SNX29: variants seen among roughly 807,000 people sequenced by gnomAD.
SNX29 encodes the protein sorting nexin 29, also known as sorting nexin-29.
Under a neutral mutation model 102.1 loss-of-function variants are expected in SNX29, and 78 were observed. The observed-to-expected ratio is 0.76, with a 90% CI of 0.64 to 0.92. The LOEUF is 0.92. SNX29 is among the 40% of genes least tolerant of loss of function. The pLI is 0.00. For synonymous variants in SNX29, 580 were observed against 414.5 expected (o/e 1.40, Z -4.85); for missense variants, 1,280 against 1,061.7 (o/e 1.21, Z -2.86).
chr16:12,345,475 C>T (rs1329009731), intron 15 of SNX29, among the ~76,000 whole-genome samples: 1 of 152,206 alleles, frequency 6.6e-6, no homozygotes, highest in Admixed American at 6.5e-5. Context: ...AGCCGTGCTC[C>T]ACTCACCGAA....
chr16:12,476,419 T>TATATATAC (rs2087636726), intron 18 of SNX29, among the ~76,000 whole-genome samples: 3 of 41,202 alleles, frequency 7.3e-5, no homozygotes, highest in Non-Finnish European at 1.4e-4. Flanking sequence ...TATACATATA[T>TATATATAC]ATATATATAT....
At chr16:12,224,808 T>C (rs778050327) in intron 14 of SNX29, among the ~76,000 whole-genome samples, 4 of 151,974 alleles carry the variant, frequency 2.6e-5, no homozygotes, top group Non-Finnish European at 5.9e-5. Flanking sequence ...CTTTTGCATG[T>C]GTTTACAGTA....
chr16:12,052,768 C>T (rs2050360346), intron 8 of SNX29: 1 of 163,498 alleles, frequency 6.1e-6, no homozygotes, highest in South Asian at 1.6e-4. Context: ...TTGCTTTATA[C>T]ATACATCTGT....
chr16:12,007,135 C>T (rs1366839414), intron 3 of SNX29, among the ~76,000 whole-genome samples: 1 of 152,168 alleles, frequency 6.6e-6, no homozygotes, highest in African/African-American at 2.4e-5. Context: ...CTGGTCTTAC[C>T]TTTGAAATGT....
At chr16:12,202,093 G>T (rs565928114) in intron 14 of SNX29, among the ~76,000 whole-genome samples, 2 of 152,128 alleles carry the variant, frequency 1.3e-5, no homozygotes, top group Non-Finnish European at 2.9e-5. Flanking sequence ...ACGTACGTAC[G>T]GCGACTCCAC....
intron 4 of SNX29, among the ~76,000 whole-genome samples, chr16:12,034,618 T>C (rs1448652813): frequency 5.3e-5 from 8 of 152,104 alleles, no homozygotes; most frequent in Non-Finnish European, 7.4e-5. Context: ...CCAGTGGCTA[T>C]TTACTAAGGG....
chr16:12,422,386 T>C lies in SNX29; in HGVS notation c.2037+18857T>C, dbSNP rs143308271. 7.2e-3 allele frequency among the ~76,000 whole-genome samples: 1,103 copies of C among 152,334 alleles called. 14 individuals are homozygous for C. The highest frequency in any genetic ancestry group is 0.025 in the African/African-American group (1,051 of 41,570). On this transcript the variant is annotated intron_variant, in intron 18 of 20. Coordinates refer to ENST00000566228, the MANE Select transcript of SNX29 (RefSeq NM_032167.5). ...ACAGCCCTTGTGTATCTGTTTCCCC[T>C]GGTGTTTTTAATTAATGCAAAATTA...
chr16:12,066,558 A>G (rs11648902), intron 9 of SNX29, among the ~76,000 whole-genome samples: 53,956 of 151,968 alleles, frequency 0.36, 9,746 homozygotes, highest in African/African-American at 0.42. Flanking sequence ...GGGCTTGAGC[A>G]CTGTCGTCTT....
At chr16:12,552,937 A>G (rs560313193) in intron 20 of SNX29, among the ~76,000 whole-genome samples, 3 of 152,204 alleles carry the variant, frequency 2.0e-5, no homozygotes, top group South Asian at 2.1e-4. Flanking sequence ...CTGGCCTTAT[A>G]TGCCACGTCA....
intron 3 of SNX29, among the ~76,000 whole-genome samples, chr16:12,026,910 C>T (rs1246255316): frequency 6.6e-6 from 1 of 152,148 alleles, no homozygotes; most frequent in African/African-American, 2.4e-5. Flanking sequence ...AATCTTGTTC[C>T]TTAAACTACA....
intron 1 of SNX29, 160 bp downstream of exon 1, chr16:11,976,973 G>A: frequency 3.1e-6 from 3 of 964,250 alleles, no homozygotes; most frequent in Non-Finnish European, 4.0e-6. Flanking sequence ...CTCCCGGCTC[G>A]TGGCCCCTGC....
chr16:12,179,048 A>G (rs74826373), intron 13 of SNX29, among the ~76,000 whole-genome samples: 6,562 of 152,284 alleles, frequency 0.043, 491 homozygotes, highest in African/African-American at 0.15. Flanking sequence ...TGAATGGGAA[A>G]TTTCAGTGTG....
chr16:12,057,409 A>G (rs953679579), intron 8 of SNX29, among the ~76,000 whole-genome samples: 1 of 152,162 alleles, frequency 6.6e-6, no homozygotes, highest in African/African-American at 2.4e-5. Context: ...GGCTGCAGGG[A>G]TGGTGCACAG....
chr16:12,078,883 C>T lies in SNX29; in HGVS notation c.1370C>T (p.Pro457Leu). 1 of 1,606,564 alleles carries T rather than the reference C, an allele frequency of 6.2e-7. No homozygotes were observed. Reference protein sequence around the residue: ...GHGSPLSSLLPSASVPESMTI... With the variant: ...GHGSPLSSLLLSASVPESMTI... ...GGAAGTCCTCTGAGCAGCCTGTTAC[C>T]TTCTGCCTCAGTGCCAGAGTCCATG... Residue 457 changes from proline (P) to leucine (L), a missense_variant, in exon 11 of 21, where the codon CCT becomes CTT. Pro to Leu is a moderately conservative substitution (Grantham distance 98). Coordinates refer to ENST00000566228, the MANE Select transcript of SNX29 (RefSeq NM_032167.5).
At chr16:12,083,923 A>G (rs913624916) in intron 11 of SNX29, among the ~76,000 whole-genome samples, 3 of 152,228 alleles carry the variant, frequency 2.0e-5, no homozygotes, top group Admixed American at 6.5e-5. Flanking sequence ...TTTAATCCTC[A>G]GTGCCTGCGG....
chr16:12,555,725 C>T (rs994808571), intron 20 of SNX29, among the ~76,000 whole-genome samples: 4 of 152,120 alleles, frequency 2.6e-5, no homozygotes, highest in Admixed American at 1.3e-4. Context: ...TTGGCCCTTT[C>T]ACTTTTCCTT....
At chr16:12,496,763 G>T (rs967045254) in intron 19 of SNX29, among the ~76,000 whole-genome samples, 1 of 152,056 alleles carries the variant, frequency 6.6e-6, no homozygotes, top group Admixed American at 6.6e-5. Flanking sequence ...CGCCCGCCTC[G>T]GCCTTCTGAT....
chr16:12,501,647 G>A lies in SNX29; in HGVS notation c.2179-23055G>A, dbSNP rs563720191. Among the ~76,000 whole-genome samples the A allele has an allele frequency of 2.4e-4, 35 of 143,286 alleles. 1 individual carries two copies. Among genetic ancestry groups the A allele is most frequent in the African/African-American group, 7.0e-4 (27 of 38,510 alleles). 94.0% of individuals were successfully genotyped at this position (143,286 alleles called of 152,430 possible). A position where few individuals can be genotyped will look rare whatever the true frequency, so the allele number is the denominator to read the frequency against. ...TGAGGCAGGAGAATCACTTGAACCC[G>A]AGAGGCAGAGGTTCCAGTGGGCTAA... is the stretch of plus-strand genomic sequence containing the variant. On this transcript the variant is annotated intron_variant, in intron 19 of 20. Coordinates refer to ENST00000566228, the MANE Select transcript of SNX29 (RefSeq NM_032167.5).
At chr16:12,286,326 A>C (rs1354135604) in intron 15 of SNX29, among the ~76,000 whole-genome samples, 1 of 151,382 alleles carries the variant, frequency 6.6e-6, no homozygotes, top group Admixed American at 6.6e-5. Flanking sequence ...AATGACTAAC[A>C]GGGCTAAACC....
Sources: allele counts gnomAD v4.1 joint callset (sites outside exome capture counted in the v4.1 genomes callset), GRCh38; gene constraint gnomAD v4.1.1; transcripts MANE v1.5; gene names NCBI Gene and HGNC (gene_info 2026-07-23, HGNC 2026-07-21).